The following DMD variants were observed in gnomAD, a reference collection of about 807,000 sequenced individuals.
DMD encodes the protein dystrophin, also known as mutant dystrophin.
DMD carries 63 observed loss-of-function variants against 330.1 expected under a neutral mutation model. That is an observed-to-expected ratio of 0.19 (90% CI 0.16 to 0.24). The LOEUF is 0.24. Among genes scored for constraint, DMD ranks in the 10% least tolerant of loss-of-function variants. The pLI is 1.00. For synonymous variants in DMD, 1,223 were observed against 959.8 expected (o/e 1.27, Z -5.07); for missense variants, 3,344 against 2,684.1 (o/e 1.25, Z -5.43).
At chrX:32,779,408 T>C (rs1050544869) in intron 7 of DMD, among the ~76,000 whole-genome samples, 6 of 110,789 alleles carry the variant, frequency 5.4e-5, no homozygotes, top group Admixed American at 4.9e-4. Flanking sequence ...CATTCCCTTT[T>C]TCATGAGGTT....
chrX:33,333,613 G>C (rs775459699), intron 1 of DMD, among the ~76,000 whole-genome samples: 1 of 110,961 alleles, frequency 9.0e-6, no homozygotes, highest in Admixed American at 9.7e-5. Context: ...GGGGATTTTA[G>C]TTGCACATTA....
intron 67 of DMD, among the ~76,000 whole-genome samples, chrX:31,200,165 ATAC>A (rs1322646885): frequency 1.8e-5 from 2 of 112,321 alleles, no homozygotes; most frequent in African/African-American, 3.2e-5. Context: ...CTGATTAGAA[ATAC>A]TACATTTGCC....
chrX:32,132,993 C>CTTTTTTTTTTTTTTTTTTTTTTT (rs377615262), intron 44 of DMD, among the ~76,000 whole-genome samples: 14 of 75,973 alleles, frequency 1.8e-4, no homozygotes, highest in Admixed American at 1.0e-3. Flanking sequence ...CTTTTCTTTT[C>CTTTTTTTTTTTTTTTTTTTTTTT]TTTTTTTTTT....
chrX:31,596,155 T>A (rs936766683), intron 55 of DMD, among the ~76,000 whole-genome samples: 5 of 111,621 alleles, frequency 4.5e-5, no homozygotes, highest in African/African-American at 1.6e-4. Flanking sequence ...ACAGCTAGCA[T>A]AACATAATAT....
chrX:32,285,690 C>A (rs2097437665), intron 43 of DMD, among the ~76,000 whole-genome samples: 1 of 103,852 alleles, frequency 9.6e-6, no homozygotes, highest in African/African-American at 3.3e-5. Context: ...TGAGATAAAT[C>A]TGTTTTTTTG....
chrX:31,136,528 A>T (rs2035260669), intron 76 of DMD, among the ~76,000 whole-genome samples: 1 of 112,034 alleles, frequency 8.9e-6, no homozygotes. Flanking sequence ...TAATGGCAGT[A>T]AGTCCACTTC....
intron 60 of DMD, among the ~76,000 whole-genome samples, chrX:31,380,211 C>T (rs778452926): frequency 2.7e-5 from 3 of 110,921 alleles, no homozygotes; most frequent in Non-Finnish European, 5.7e-5. Context: ...TTAGACGATA[C>T]TCTTTTAAGC....
intron 55 of DMD, among the ~76,000 whole-genome samples, chrX:31,614,649 C>G (rs1054834519): frequency 1.8e-5 from 2 of 111,937 alleles, no homozygotes; most frequent in Non-Finnish European, 3.8e-5. Flanking sequence ...TCATGAAACT[C>G]TCTCTCATAA....
At chrX:32,309,950 A>G in intron 42 of DMD, 132 bp downstream of exon 42, 3 of 561,007 alleles carry the variant, frequency 5.3e-6, no homozygotes, top group Non-Finnish European at 8.7e-6. Flanking sequence ...CACACTATCA[A>G]GTATTTTTAA....
At chrX:32,457,330 G>T (rs1243983212) in intron 25 of DMD, among the ~76,000 whole-genome samples, 3 of 111,033 alleles carry the variant, frequency 2.7e-5, no homozygotes, top group Non-Finnish European at 5.7e-5. Context: ...GGAGTGAAAT[G>T]GAGAGAAAGG....
At chrX:32,480,574 G>A (rs906649289) in intron 21 of DMD, among the ~76,000 whole-genome samples, 3 of 110,783 alleles carry the variant, frequency 2.7e-5, no homozygotes, top group Non-Finnish European at 5.7e-5. Flanking sequence ...ATTTGCCTAC[G>A]TGAGTATTTA....
chrX:32,678,583 A>T (rs1030637988), intron 9 of DMD, among the ~76,000 whole-genome samples: 10 of 110,879 alleles, frequency 9.0e-5, no homozygotes, highest in Non-Finnish European at 1.5e-4. Flanking sequence ...ATCTCCTAAA[A>T]TCAAAGGGCA....
intron 52 of DMD, among the ~76,000 whole-genome samples, chrX:31,724,203 A>T (rs2085822047): frequency 8.9e-6 from 1 of 112,328 alleles, no homozygotes; most frequent in African/African-American, 3.2e-5. Context: ...AAAATAAGCA[A>T]CCATCTAATA....
At chrX:32,526,215 T>C (rs746321985) in intron 17 of DMD, among the ~76,000 whole-genome samples, 1 of 112,219 alleles carries the variant, frequency 8.9e-6, no homozygotes, top group South Asian at 3.7e-4. Context: ...AAATAACTTC[T>C]CATTCTCTGT....
chrX:32,269,358 C>T (rs751634622), intron 43 of DMD, among the ~76,000 whole-genome samples: 2 of 111,952 alleles, frequency 1.8e-5, no homozygotes, highest in East Asian at 5.7e-4. Flanking sequence ...AAACAGGACA[C>T]TTAATATCTC....
chrX:33,127,828 A>G (rs1364356733), intron 1 of DMD, among the ~76,000 whole-genome samples: 2 of 111,228 alleles, frequency 1.8e-5, no homozygotes, highest in Non-Finnish European at 3.8e-5. Context: ...TTTTCTTCAT[A>G]CTAGAAATAA....
chrX:33,090,262 C>T (rs978357963), intron 1 of DMD, among the ~76,000 whole-genome samples: 20 of 109,152 alleles, frequency 1.8e-4, no homozygotes, highest in African/African-American at 6.0e-4. Context: ...TCATAAGCCA[C>T]GTATATATAC....
At chrX:32,715,501 T>C (rs1229570018) in intron 7 of DMD, among the ~76,000 whole-genome samples, 1 of 89,635 alleles carries the variant, frequency 1.1e-5, no homozygotes. Context: ...AAAAAGGAGA[T>C]CTTGACCAGG....
At chrX:32,413,207 T>C (rs1286398544) in intron 29 of DMD, among the ~76,000 whole-genome samples, 1 of 110,933 alleles carries the variant, frequency 9.0e-6, no homozygotes, top group Admixed American at 9.6e-5. Context: ...CATACTTGCA[T>C]GTTATCTCAC....
Sources: allele counts gnomAD v4.1 joint callset (sites outside exome capture counted in the v4.1 genomes callset), GRCh38; gene constraint gnomAD v4.1.1; transcripts MANE v1.5; gene names NCBI Gene and HGNC (gene_info 2026-07-23, HGNC 2026-07-21).